The following OARD1 variants were observed in gnomAD, a reference collection of about 807,000 sequenced individuals.
The protein encoded by OARD1 is O-acyl-ADP-ribose deacylase 1, also known as ADP-ribose glycohydrolase OARD1.
A neutral mutation model predicts 19.7 loss-of-function variants in OARD1; 19 were observed. That is an observed-to-expected ratio of 0.96 (90% confidence interval 0.67 to 1.41). OARD1 has a LOEUF of 1.41. OARD1 is among the 40% of genes most tolerant of loss of function. The pLI, the probability that OARD1 is intolerant of heterozygous loss-of-function variation, is 0.00. For missense variants in OARD1, 190 were observed against 183.8 expected (o/e 1.03, Z -0.20); for synonymous variants, 70 against 61.8 (o/e 1.13, Z -0.62).
chr6:41,071,092 C>T, intron 3 of OARD1, 40 bp downstream of exon 3: 1 of 1,605,594 alleles, frequency 6.2e-7, no homozygotes, highest in Non-Finnish European at 8.5e-7. Flanking sequence ...AAAAGGTGCT[C>T]TAGCCAGGGC....
intron 5 of OARD1, among the ~76,000 whole-genome samples, chr6:41,068,139 G>A (rs1298013764): frequency 6.6e-6 from 1 of 152,188 alleles, no homozygotes; most frequent in Non-Finnish European, 1.5e-5. Context: ...TCAAAGACCA[G>A]TGTAAAATAA....
At chr6:41,070,861 C>T (rs1763304266) in intron 3 of OARD1, 1 of 597,690 alleles carries the variant, frequency 1.7e-6, no homozygotes, top group South Asian at 2.1e-5. Flanking sequence ...AACCTATAGA[C>T]TAAGCATCTC....
upstream of OARD1, among the ~76,000 whole-genome samples, chr6:41,076,990 A>T (rs1178614457): frequency 6.6e-6 from 1 of 152,220 alleles, no homozygotes; most frequent in Non-Finnish European, 1.5e-5. Flanking sequence ...CAAAGTATAA[A>T]TTTAAATATT....
chr6:41,077,296 T>G (rs1346218154), upstream of OARD1, among the ~76,000 whole-genome samples: 1 of 152,112 alleles, frequency 6.6e-6, no homozygotes, highest in African/African-American at 2.4e-5. Context: ...TTTGACAAAT[T>G]TGTACACCTG....
At chr6:41,071,924 A>C (rs1013196839) in intron 1 of OARD1, 16 of 447,780 alleles carry the variant, frequency 3.6e-5, no homozygotes, top group Middle Eastern at 6.1e-4. Context: ...AGCGGAAGCA[A>C]AGCCCATCCC....
At chr6:41,067,603 C>T (rs192296213) in intron 5 of OARD1, among the ~76,000 whole-genome samples, 166 bp from the exon 6 acceptor site, 22 of 152,252 alleles carry the variant, frequency 1.4e-4, no homozygotes, top group African/African-American at 5.3e-4. Context: ...TGTGAGTCAC[C>T]GAAGACCATT....
At position 41,066,440 on chromosome 6, in the gene OARD1, CTTTA is replaced by C; in HGVS notation, c.*891_*894del. On this transcript the variant is annotated 3_prime_UTR_variant, in exon 6 of 6. Coordinates refer to ENST00000424266, the MANE Select transcript of OARD1 (RefSeq NM_001329686.2). ...TGAGAATTTTTTGAGAGGAAGTGGC[CTTTA>C]TTTTTTTAAAGAAGACTCATAAGGA... The C allele has an allele frequency of 6.6e-6, 1 of 152,148 alleles. No homozygotes were observed. The highest frequency in any genetic ancestry group is 1.5e-5 in the Non-Finnish European group (1 of 67,984). 9.4% of individuals were successfully genotyped at this position (152,148 alleles called of 1,614,324 possible). A position where few individuals can be genotyped will look rare whatever the true frequency, so the allele number is the denominator to read the frequency against.
rs1039121922 is a variant in OARD1 at position 41,067,042 on chromosome 6, C to T, written c.*293G>A. On this transcript the variant is annotated 3_prime_UTR_variant, in exon 6 of 6. Coordinates refer to ENST00000424266, the MANE Select transcript of OARD1 (RefSeq NM_001329686.2). ...CCACCTAGTGGCCAGCCAAACAAAT[C>T]AGGTAGCATACTGGAGAAAAAGGTC... 5.4e-6 allele frequency: 1 copy of T among 186,136 alleles called. No homozygotes were observed. 11.5% of individuals were successfully genotyped at this position (186,136 alleles called of 1,614,324 possible).
At chr6:41,071,521 T>A in intron 2 of OARD1, 75 bp downstream of exon 2, 3 of 1,273,244 alleles carry the variant, frequency 2.4e-6, no homozygotes, top group Non-Finnish European at 3.4e-6. Context: ...ATTAATTTAA[T>A]TAAAAAGTGT....
chr6:41,071,257 TCTC>T lies in OARD1; in HGVS notation c.56_58del (p.Gly19del), dbSNP rs1455829685. 5.6e-6 allele frequency: 9 copies of T among 1,613,914 alleles called. No homozygotes were observed. The highest frequency in any genetic ancestry group is 7.6e-6 in the Non-Finnish European group (9 of 1,179,924). On this transcript the variant is annotated inframe_deletion, in exon 3 of 6. Coordinates refer to ENST00000424266, the MANE Select transcript of OARD1 (RefSeq NM_001329686.2). ...GTCTGTTTTCGGGCATGCAAAAAGGTCTCCTTTCACATAAGTGATCTAAAAAAT... is the reference window on the plus strand; with the variant it reads ...GTCTGTTTTCGGGCATGCAAAAAGGTCTTTCACATAAGTGATCTAAAAAAT...
At chr6:41,089,633 G>A in intron 1 of OARD1, 1 of 1,612,722 alleles carries the variant, frequency 6.2e-7, no homozygotes. Flanking sequence ...GGCTGTGCAG[G>A]TGCAGGGCCA....
chr6:41,089,008 C>A (rs776798764), intron 1 of OARD1, among the ~76,000 whole-genome samples: 1 of 151,956 alleles, frequency 6.6e-6, no homozygotes, highest in Non-Finnish European at 1.5e-5. Flanking sequence ...TTTTTTGAGA[C>A]GGAATCTCGC....
At position 41,089,429 on chromosome 6, in the gene OARD1, G is replaced by A. The variant is rs1764138762; in HGVS notation, c.-42+8284C>T. ...TTGTTTCATAAATGGAAAATAAGTTGTGTCTACTTCATAATGGAGGGCAGA... is the reference window on the plus strand; with the variant it reads ...TTGTTTCATAAATGGAAAATAAGTTATGTCTACTTCATAATGGAGGGCAGA... On this transcript the variant is annotated intron_variant, in intron 1 of 4. Coordinates refer to the OARD1 transcript ENST00000480585. 4 of 708,238 alleles carry A rather than the reference G, an allele frequency of 5.6e-6. No individual in the cohort carries two copies. The South Asian group carries it at 1.4e-4, about 25-fold the overall frequency. 43.9% of individuals were successfully genotyped at this position (708,238 alleles called of 1,614,324 possible). A position where few individuals can be genotyped will look rare whatever the true frequency, so the allele number is the denominator to read the frequency against.
chr6:41,067,401 A>C lies in OARD1; in HGVS notation c.393T>G (p.Asn131Lys), dbSNP rs1258048998. The change falls in exon 6 of 6, where the codon AAT becomes AAG. Residue 131 changes from asparagine (N) to lysine (K), a missense_variant. Physicochemically the swap from Asn to Lys is moderately conservative, Grantham distance 94. Transcript: ENST00000424266. ...ATACCTCCTCGATCATCGCAGATAC[A>C]TTTTCCCATTGCAGACGATCAAGAC... ...GCGLDRLQWE[N>K]VSAMIEEVFE... The C allele has an allele frequency of 2.5e-6, 4 of 1,613,614 alleles. No individual in the cohort carries two copies. The highest frequency in any genetic ancestry group is 3.4e-6 in the Non-Finnish European group (4 of 1,179,698).
intron 1 of OARD1, among the ~76,000 whole-genome samples, chr6:41,091,032 G>A (rs1334946076): frequency 6.6e-6 from 1 of 152,204 alleles, no homozygotes; most frequent in Non-Finnish European, 1.5e-5. Flanking sequence ...TTGAGCCCAG[G>A]CAAGAGCTCA....
chr6:41,084,026 CTTATT>C, intron 1 of OARD1: 2 of 1,578,142 alleles, frequency 1.3e-6, no homozygotes, highest in Non-Finnish European at 1.7e-6. Context: ...TTTCATTGTT[CTTATT>C]TTATTTCATT....
At chr6:41,091,507 TTA>T (rs1270978922) in intron 1 of OARD1, 4 of 1,612,116 alleles carry the variant, frequency 2.5e-6, no homozygotes, top group Middle Eastern at 1.6e-4. Context: ...TTTGTTTGTT[TTA>T]TGTTTTGTTT....
intron 1 of OARD1, chr6:41,091,411 A>T: frequency 1.1e-6 from 1 of 938,796 alleles, no homozygotes; most frequent in African/African-American, 1.7e-5. Context: ...TGTGTTTTTC[A>T]GTGTGTTTTG....
intron 1 of OARD1, among the ~76,000 whole-genome samples, chr6:41,072,006 G>C (rs1763450291): frequency 6.6e-6 from 1 of 152,194 alleles, no homozygotes; most frequent in Admixed American, 6.5e-5. Flanking sequence ...CCTTTTCTCT[G>C]CACGACGCAA....
Sources: allele counts gnomAD v4.1 joint callset (sites outside exome capture counted in the v4.1 genomes callset), GRCh38; gene constraint gnomAD v4.1.1; transcripts MANE v1.5; gene names NCBI Gene and HGNC (gene_info 2026-07-23, HGNC 2026-07-21).